Variants in NIBAN1 observed in about 807,000 individuals in gnomAD.
NIBAN1 encodes protein Niban 1.
A neutral mutation model predicts 75.1 loss-of-function variants in NIBAN1; 81 were observed. The ratio of observed to expected loss-of-function variants is 1.08; its 90% CI spans 0.90 to 1.30. The LOEUF (loss-of-function observed/expected upper bound fraction) is 1.30, where lower values mean the gene tolerates loss of function less well. NIBAN1 is among the 50% of genes most tolerant of loss of function. The probability of loss-of-function intolerance (pLI) is 0.00; values close to 1 mark genes in which losing one functional copy is unlikely to be tolerated. For synonymous variants in NIBAN1, 436 were observed against 424.8 expected (o/e 1.03, Z -0.32); for missense variants, 1,133 against 1,128.1 (o/e 1.00, Z -0.06).
chr1:184,832,029 TG>T, intron 5 of NIBAN1, 67 bp from the exon 6 acceptor site: 1 of 1,138,318 alleles, frequency 8.8e-7, no homozygotes, highest in Non-Finnish European at 1.3e-6. Flanking sequence ...GCTCTTCAAG[TG>T]TAATGGCTCA....
chr1:184,845,460 C>A lies in NIBAN1; in HGVS notation c.602-13498G>T, dbSNP rs79071339. Among the ~76,000 whole-genome samples, 44 of 152,258 alleles carry A rather than the reference C, an allele frequency of 2.9e-4. 1 individual carries two copies. In the East Asian group the frequency reaches 7.3e-3, roughly 25 times the overall value. The stretch of plus-strand genomic sequence containing the variant: ...AAAAGTAGTTTGGGGATAACTTTAA[C>A]TGCAAAAAGCAGATTATAGGCCAAG... On this transcript the variant is annotated intron_variant, in intron 5 of 13. Coordinates refer to ENST00000367511, the MANE Select transcript of NIBAN1 (RefSeq NM_052966.4).
Position 184,795,061 on chromosome 1 carries a change from C to T in NIBAN1, c.2703G>A (p.Pro901=), listed in dbSNP as rs1264183081. ...CATCTTTGTGTGACAGCAGGACATC[C>T]GGGTTTGGAGCATCCTCCACCACCC... is the stretch of plus-strand genomic sequence containing the variant. ...CQWVVEDAPN[P]DVLLSHKDDV... The change falls in exon 14 of 14, where the codon CCG becomes CCA. Residue 901 remains proline (P), a synonymous_variant. Transcript: ENST00000367511. The T allele has an allele frequency of 6.8e-6, 11 of 1,613,830 alleles. No homozygotes were observed. The highest frequency in any genetic ancestry group is 4.5e-5 in the East Asian group (2 of 44,888).
At chr1:184,802,865 G>A (rs1237547246) in intron 12 of NIBAN1, among the ~76,000 whole-genome samples, 2 of 152,170 alleles carry the variant, frequency 1.3e-5, no homozygotes, top group African/African-American at 2.4e-5. Context: ...AGGTAAGCAA[G>A]AACTGGGTTC....
At chr1:184,947,445 A>G (rs550927607) in intron 1 of NIBAN1, among the ~76,000 whole-genome samples, 1 of 152,336 alleles carries the variant, frequency 6.6e-6, no homozygotes, top group African/African-American at 2.4e-5. Flanking sequence ...GATGATGAAA[A>G]CATTTTGGGA....
chr1:184,926,578 A>G (rs185793348), intron 1 of NIBAN1, among the ~76,000 whole-genome samples: 4 of 152,242 alleles, frequency 2.6e-5, no homozygotes, highest in Admixed American at 6.5e-5. Context: ...TGCTTCTTTT[A>G]GGATCCTTTC....
chr1:184,970,153 G>A, intron 1 of NIBAN1, among the ~76,000 whole-genome samples: 1 of 142,284 alleles, frequency 7.0e-6, no homozygotes, highest in Admixed American at 7.1e-5. Context: ...CTGGGTGACA[G>A]AGTGAGACCC....
At position 184,795,281 on chromosome 1, in the gene NIBAN1, C is replaced by T. The variant is rs1376383577; in HGVS notation, c.2483G>A (p.Arg828Lys). 6.2e-7 allele frequency: 1 copy of T among 1,612,750 alleles called. No homozygotes were observed. Among genetic ancestry groups the T allele is most frequent in the Non-Finnish European group, 8.5e-7 (1 of 1,180,050 alleles). ...CCCTTCCTCGGTACACTTGCCCCCT[C>T]TTCCTTCATGGGCAGTGAGTGTGCA... ...EACTLTAHEG[R>K]GGKCTEEGDA... is the part of the protein sequence containing the mutation. The change falls in exon 14 of 14, where the codon AGA (arginine) becomes AAA (lysine). Residue 828 changes from arginine (R) to lysine (K), a missense_variant. Transcript: ENST00000367511.
intron 4 of NIBAN1, 37 bp downstream of exon 4, chr1:184,890,071 G>C (rs762455757): frequency 6.8e-7 from 1 of 1,466,556 alleles, no homozygotes; most frequent in Non-Finnish European, 9.6e-7. Context: ...AAGAAGCTTA[G>C]TCATTTTGCC....
At chr1:184,817,360 T>C (rs1654568497) in intron 9 of NIBAN1, among the ~76,000 whole-genome samples, 1 of 152,240 alleles carries the variant, frequency 6.6e-6, no homozygotes, top group Non-Finnish European at 1.5e-5. Flanking sequence ...TATAGTAGCA[T>C]GATTTATAAT....
chr1:184,795,216 G>T lies in NIBAN1; in HGVS notation c.2548C>A (p.Pro850Thr). ...QQEGCTLGSDPICLSESQVSE... is the reference protein window; with the variant it reads ...QQEGCTLGSDTICLSESQVSE... ...ACCTGGCTCTCACTGAGGCAGATGG[G>T]GTCAGAACCTAAGGTGCAGCCCTCT... The change falls in exon 14 of 14, where the codon CCC becomes ACC. Residue 850 changes from proline (P) to threonine (T), a missense_variant. Transcript: ENST00000367511. 1 of 1,614,020 alleles carries T rather than the reference G, an allele frequency of 6.2e-7. No individual in the cohort carries two copies. The highest frequency in any genetic ancestry group is 8.5e-7 in the Non-Finnish European group (1 of 1,180,034).
At chr1:184,889,157 T>C (rs974060499) in intron 4 of NIBAN1, among the ~76,000 whole-genome samples, 4 of 152,238 alleles carry the variant, frequency 2.6e-5, no homozygotes, top group Non-Finnish European at 4.4e-5. Flanking sequence ...TGAATCTCTA[T>C]GAATTGCCTT....
chr1:184,816,391 T>C (rs562686952), intron 9 of NIBAN1, among the ~76,000 whole-genome samples: 6 of 152,334 alleles, frequency 3.9e-5, no homozygotes, highest in Admixed American at 2.0e-4. Flanking sequence ...AATGACATGC[T>C]GAGACCAGAA....
At chr1:184,809,282 A>T (rs538895813) in intron 9 of NIBAN1, among the ~76,000 whole-genome samples, 4 of 152,316 alleles carry the variant, frequency 2.6e-5, no homozygotes, top group Non-Finnish European at 5.9e-5. Flanking sequence ...GATCAAAAGC[A>T]TGCTGTGGAA....
At chr1:184,918,041 C>A (rs751780229) in intron 1 of NIBAN1, among the ~76,000 whole-genome samples, 1 of 152,132 alleles carries the variant, frequency 6.6e-6, no homozygotes. Context: ...TGGATCCCTG[C>A]CGCATATTTC....
Position 184,847,658 on chromosome 1 carries a change from G to A in NIBAN1, c.602-15696C>T, listed in dbSNP as rs10429837. On this transcript the variant is annotated intron_variant, in intron 5 of 13. Coordinates refer to ENST00000367511, the MANE Select transcript of NIBAN1 (RefSeq NM_052966.4). ...TTTAAATATAAATGGACTAAATTCT[G>A]CAATTAAAAGACACAGACTGGCAAG... Among the ~76,000 whole-genome samples, 5 of 8,010 alleles carry A rather than the reference G, an allele frequency of 6.2e-4. 1 individual carries two copies. The South Asian group carries it at 0.02, about 32-fold the overall frequency. 5.3% of individuals were successfully genotyped at this position (8,010 alleles called of 152,430 possible). A position where few individuals can be genotyped will look rare whatever the true frequency, so the allele number is the denominator to read the frequency against.
chr1:184,816,383 T>C (rs1198536811), intron 9 of NIBAN1, among the ~76,000 whole-genome samples: 1 of 152,194 alleles, frequency 6.6e-6, no homozygotes, highest in Non-Finnish European at 1.5e-5. Context: ...CCTATATGAA[T>C]GACATGCTGA....
intron 5 of NIBAN1, among the ~76,000 whole-genome samples, chr1:184,854,391 C>T (rs1655622027): frequency 1.3e-5 from 2 of 152,200 alleles, no homozygotes; most frequent in African/African-American, 4.8e-5. Context: ...CAATTACATA[C>T]ATAGCACAGC....
At chr1:184,906,981 A>C (rs773695270) in intron 1 of NIBAN1, among the ~76,000 whole-genome samples, 3 of 152,176 alleles carry the variant, frequency 2.0e-5, no homozygotes, top group Non-Finnish European at 4.4e-5. Flanking sequence ...CGTTCCCCCA[A>C]CATTCTGTGT....
At chr1:184,872,885 T>A (rs992422708) in intron 5 of NIBAN1, among the ~76,000 whole-genome samples, 1 of 152,048 alleles carries the variant, frequency 6.6e-6, no homozygotes, top group Admixed American at 6.6e-5. Flanking sequence ...TTTCAAGCAG[T>A]ATAAATAAAT....
Sources: gnomAD v4.1 joint callset for allele counts (sites outside exome capture counted in the v4.1 genomes callset) on GRCh38, gnomAD v4.1.1 for gene constraint, MANE v1.5 for transcripts, NCBI Gene and HGNC (gene_info 2026-07-23, HGNC 2026-07-21) for gene names.